The following B3GNT7 variants were observed in gnomAD, a reference collection of about 807,000 sequenced individuals.
B3GNT7 encodes UDP-GlcNAc:betaGal beta-1,3-N-acetylglucosaminyltransferase 7.
B3GNT7 carries 9 observed loss-of-function variants against 5.1 expected under a neutral mutation model. That is an observed-to-expected ratio of 1.77 (90% confidence interval 1.07 to 3.09). B3GNT7 has a LOEUF of 3.09. Ranked by LOEUF, B3GNT7 falls within the 30% of genes most tolerant of loss-of-function variation. The probability of loss-of-function intolerance (pLI) is 0.00; values close to 1 mark genes in which losing one functional copy is unlikely to be tolerated. For synonymous variants in B3GNT7, 253 were observed against 248.6 expected (o/e 1.02, Z -0.17); for missense variants, 468 against 550.8 (o/e 0.85, Z 1.50).
At position 231,397,776 on chromosome 2, in the gene B3GNT7, C is replaced by T. The variant is rs748391272; in HGVS notation, c.57C>T (p.Leu19=). The stretch of plus-strand genomic sequence containing the variant: ...GTCTGTGCCTGGCCCTGGCCCTGCT[C>T]GTGGCCGTGACGGTGTTCCAACGCA... The part of the protein sequence containing the change: ...YRSLCLALAL[L]VAVTVFQRSL... The change falls in exon 2 of 2, where the codon CTC becomes CTT. Residue 19 remains leucine, a synonymous_variant. Transcript: ENST00000287590. 6.2e-6 allele frequency: 10 copies of T among 1,613,738 alleles called. No individual in the cohort carries two copies. The highest frequency in any genetic ancestry group is 8.5e-6 in the Non-Finnish European group (10 of 1,179,874).
At chr2:231,397,151 C>T (rs1575237362) in intron 1 of B3GNT7, 1 of 980,256 alleles carries the variant, frequency 1.0e-6, no homozygotes, top group Non-Finnish European at 1.2e-6. Flanking sequence ...AGGTCCCAAG[C>T]TCGAGCCACT....
Position 231,398,685 on chromosome 2 carries a change from C to T in B3GNT7, c.966C>T (p.Leu322=). ...ACCATGCCTGCGACACCCTGGAGCT[C>T]TACCCGATCGACGACGTCTTTCTGG... is the stretch of plus-strand genomic sequence containing the variant. ...RLHHACDTLE[L]YPIDDVFLGM... is the part of the protein sequence containing the mutation. The change falls in exon 2 of 2, where the codon CTC becomes CTT. Residue 322 remains leucine, a synonymous_variant. Transcript: ENST00000287590. 1 of 1,612,160 alleles carries T rather than the reference C, an allele frequency of 6.2e-7. No homozygotes were observed. The highest frequency in any genetic ancestry group is 1.7e-5 in the Admixed American group (1 of 60,020).
In B3GNT7 at chr2:231,398,200, C is replaced by T. The variant is rs780744252; in HGVS notation, c.481C>T (p.Arg161Trp). 6.3e-6 allele frequency: 10 copies of T among 1,591,618 alleles called. No homozygotes were observed. The highest frequency in any genetic ancestry group is 4.0e-5 in the African/African-American group (3 of 74,374). Residue 161 changes from arginine (R) to tryptophan (W), a missense_variant, in exon 2 of 2, where the codon CGG becomes TGG. Coordinates refer to ENST00000287590, the MANE Select transcript of B3GNT7 (RefSeq NM_145236.3). ...CATCCGCCAGACCTGGGGCCGCGAG[C>T]GGCAGTCCGCGGGTGGGGGCCGAGG... Reference protein sequence around the residue: ...EAIRQTWGRERQSAGGGRGAV... With the variant: ...EAIRQTWGREWQSAGGGRGAV...
At position 231,398,792 on chromosome 2, in the gene B3GNT7, G is replaced by C. The variant is rs1308120689; in HGVS notation, c.1073G>C (p.Ser358Thr). The change falls in exon 2 of 2, where the codon AGC becomes ACC. Residue 358 changes from serine (S) to threonine (T), a missense_variant. Coordinates refer to ENST00000287590, the MANE Select transcript of B3GNT7 (RefSeq NM_145236.3). Reference protein sequence around the residue: ...KTFGISRNRNSRMNKEPCFFR... With the variant: ...KTFGISRNRNTRMNKEPCFFR... ...TTCGGCATCTCCCGGAACCGCAACA[G>C]CCGCATGAACAAGGAGCCGTGCTTT... 6.2e-7 allele frequency: 1 copy of C among 1,606,736 alleles called. No individual in the cohort carries two copies. Among genetic ancestry groups the C allele is most frequent in the Admixed American group, 1.7e-5 (1 of 60,010 alleles).
At chr2:231,396,154 C>A (rs1384074706) in intron 1 of B3GNT7, among the ~76,000 whole-genome samples, 1 of 152,100 alleles carries the variant, frequency 6.6e-6, no homozygotes, top group African/African-American at 2.4e-5. Context: ...CCTTCCAGAC[C>A]CCTGAGGGCC....
rs2046546499 is a variant in B3GNT7, at chr2:231,399,585, TCCCTGGGGC to T, written c.*661_*669del. The T allele has an allele frequency of 6.6e-6, 1 of 152,010 alleles. No individual in the cohort carries two copies. The highest frequency in any genetic ancestry group is 1.5e-5 in the Non-Finnish European group (1 of 68,154). The allele number at this position is 152,010 out of a possible 1,614,324, so 9.4% of individuals were successfully genotyped here. ...GACTACCTCAGCGCCCCTCAGAATC[TCCCTGGGGC>T]TGCAGCCCTACCCCACCCCGACACA... On this transcript the variant is annotated 3_prime_UTR_variant, in exon 2 of 2. Transcript: ENST00000287590.
At position 231,398,037 on chromosome 2, in the gene B3GNT7, G is replaced by A. The variant is rs377346766; in HGVS notation, c.318G>A (p.Pro106=). The A allele has an allele frequency of 1.4e-5, 22 of 1,609,506 alleles. No individual in the cohort carries two copies. The highest frequency in any genetic ancestry group is 2.2e-5 in the South Asian group (2 of 91,092). The change falls in exon 2 of 2, where the codon CCG becomes CCA. Residue 106 remains proline, a synonymous_variant. Transcript: ENST00000287590. ...AGCCCTGGTTCCAGGTCCTGGAGCC[G>A]CAGTTCCGGCAGTTTCTCTTCTACC... ...THQPWFQVLE[P]QFRQFLFYRH...
chr2:231,398,430 C>T lies in B3GNT7; in HGVS notation c.711C>T (p.Phe237=). 1 of 1,613,760 alleles carries T rather than the reference C, an allele frequency of 6.2e-7. No individual in the cohort carries two copies. The highest frequency in any genetic ancestry group is 1.6e-4 in the Middle Eastern group (1 of 6,062). ...ACTGCCCCCACGTCCCCTTCATTTT[C>T]AAAGGCGACGATGACGTCTTCGTCA... is the stretch of plus-strand genomic sequence containing the variant. ...DIYCPHVPFI[F]KGDDDVFVNP... Residue 237 remains phenylalanine, a synonymous_variant, in exon 2 of 2, where the codon TTC becomes TTT. Transcript: ENST00000287590.
At chr2:231,397,182 G>A (rs758492741) in intron 1 of B3GNT7, 8 of 985,580 alleles carry the variant, frequency 8.1e-6, no homozygotes, top group Non-Finnish European at 9.6e-6. Context: ...CCCCACATGT[G>A]ATGGAGCTCC....
chr2:231,396,902 T>G (rs2046520441), intron 1 of B3GNT7, among the ~76,000 whole-genome samples: 1 of 147,036 alleles, frequency 6.8e-6, no homozygotes. Flanking sequence ...GGTGGGGGGG[T>G]CTCTGGGCAA....
Position 231,395,975 on chromosome 2 carries a change from C to CGCGGCG in B3GNT7, c.11+172_11+177dup, listed in dbSNP as rs982888461. Among the ~76,000 whole-genome samples the CGCGGCG allele has an allele frequency of 6.6e-6, 1 of 151,108 alleles. No individual in the cohort carries two copies. The highest frequency in any genetic ancestry group is 1.9e-4 in the East Asian group (1 of 5,146). On this transcript the variant is annotated intron_variant, in intron 1 of 1. Transcript: ENST00000287590. The surrounding 1 kb of genome is among the most constrained non-coding windows in gnomAD (Gnocchi z 7.3). The stretch of plus-strand genomic sequence containing the variant: ...TCCCGGGGGCGGATGGGCGGGCGGG[C>CGCGGCG]GCGGCGGCGGCGGCGGGAGATGTTC...
At position 231,397,915 on chromosome 2, in the gene B3GNT7, A is replaced by G; in HGVS notation, c.196A>G (p.Lys66Glu). 7 of 1,613,696 alleles carry G rather than the reference A, an allele frequency of 4.3e-6. No homozygotes were observed. The highest frequency in any genetic ancestry group is 1.1e-5 in the South Asian group (1 of 91,084). Residue 66 changes from lysine (K) to glutamate (E), a missense_variant, in exon 2 of 2, where the codon AAA becomes GAA. By Grantham distance (56) the Lys-to-Glu change is moderately conservative. Coordinates refer to ENST00000287590, the MANE Select transcript of B3GNT7 (RefSeq NM_145236.3). ...CCCCAACAACTTCTGGAAGAACCCG[A>G]AAGATGTGGCTGCGCCCACGCCCAT... The part of the protein sequence containing the change: ...VNPNNFWKNP[K>E]DVAAPTPMAS...
intron 1 of B3GNT7, among the ~76,000 whole-genome samples, chr2:231,396,894 T>TGGGGGGG (rs374348190): frequency 8.4e-6 from 1 of 118,430 alleles, no homozygotes. Context: ...GGGGTTGGGG[T>TGGGGGGG]GGGGGGGTCT....
chr2:231,396,940 A>C (rs2125612858), intron 1 of B3GNT7, among the ~76,000 whole-genome samples: 1 of 152,304 alleles, frequency 6.6e-6, no homozygotes, highest in East Asian at 1.9e-4. Context: ...CTGGAGCTGC[A>C]AATGTGCCCC....
Position 231,398,770 on chromosome 2 carries a change from G to C in B3GNT7, c.1051G>C (p.Gly351Arg). ...GGCCCACGAGGGCTTCAAGACTTTC[G>C]GCATCTCCCGGAACCGCAACAGCCG... ...PTAHEGFKTF[G>R]ISRNRNSRMN... The change falls in exon 2 of 2, where the codon GGC (glycine) becomes CGC (arginine). Residue 351 changes from glycine (G) to arginine (R), a missense_variant. By Grantham distance (125) the Gly-to-Arg change is moderately radical. Transcript: ENST00000287590. 6.2e-7 allele frequency: 1 copy of C among 1,608,362 alleles called. No individual in the cohort carries two copies. The highest frequency in any genetic ancestry group is 1.1e-5 in the South Asian group (1 of 91,080).
In B3GNT7 at chr2:231,398,201, G is replaced by T; in HGVS notation, c.482G>T (p.Arg161Leu). ...EAIRQTWGRE[R>L]QSAGGGRGAV... ...ATCCGCCAGACCTGGGGCCGCGAGC[G>T]GCAGTCCGCGGGTGGGGGCCGAGGC... The change falls in exon 2 of 2, where the codon CGG becomes CTG. Residue 161 changes from arginine (R) to leucine (L), a missense_variant. Physicochemically the swap from Arg to Leu is moderately radical, Grantham distance 102 (BLOSUM62 -2). Transcript: ENST00000287590. The T allele has an allele frequency of 6.3e-7, 1 of 1,592,930 alleles. No homozygotes were observed. Among genetic ancestry groups the T allele is most frequent in the Non-Finnish European group, 8.6e-7 (1 of 1,169,310 alleles).
At position 231,397,816 on chromosome 2, in the gene B3GNT7, C is replaced by G. The variant is rs375194946; in HGVS notation, c.97C>G (p.Gln33Glu). The G allele has an allele frequency of 2.3e-5, 37 of 1,613,698 alleles. No homozygotes were observed. In the African/African-American group the frequency reaches 4.9e-4, roughly 22 times the overall value. The change falls in exon 2 of 2, where the codon CAG (glutamine) becomes GAG (glutamate). Residue 33 changes from glutamine to glutamate, a missense_variant. Physicochemically the swap from Gln to Glu is conservative, Grantham distance 29. Coordinates refer to ENST00000287590, the MANE Select transcript of B3GNT7 (RefSeq NM_145236.3). Reference sequence around the variant, plus strand: ...GTTCCAACGCAGTCTCACCCCTGGTCAGTTTCTGCAGGAGCCTCCGCCACC... The same window carrying G: ...GTTCCAACGCAGTCTCACCCCTGGTGAGTTTCTGCAGGAGCCTCCGCCACC... ...TVFQRSLTPG[Q>E]FLQEPPPPTL...
chr2:231,398,485 G>C lies in B3GNT7; in HGVS notation c.766G>C (p.Asp256His), dbSNP rs2046535729. 1 of 1,613,680 alleles carries C rather than the reference G, an allele frequency of 6.2e-7. No individual in the cohort carries two copies. The highest frequency in any genetic ancestry group is 2.2e-5 in the East Asian group (1 of 44,886). The part of the protein sequence containing the change: ...NPTNLLEFLA[D>H]RQPQENLFVG... The stretch of plus-strand genomic sequence containing the variant: ...CACCAACCTGCTAGAATTTCTGGCT[G>C]ACCGGCAGCCACAGGAAAACCTGTT... Residue 256 changes from aspartate to histidine, a missense_variant, in exon 2 of 2, where the codon GAC becomes CAC. Coordinates refer to ENST00000287590, the MANE Select transcript of B3GNT7 (RefSeq NM_145236.3).
At chr2:231,396,601 G>A (rs2046516838) in intron 1 of B3GNT7, among the ~76,000 whole-genome samples, 1 of 152,204 alleles carries the variant, frequency 6.6e-6, no homozygotes, top group Admixed American at 6.5e-5. Flanking sequence ...GGCAACCCAG[G>A]CGTCTCCACG....
Sources: gnomAD v4.1 joint callset for allele counts (sites outside exome capture counted in the v4.1 genomes callset) on GRCh38, gnomAD v4.1.1 for gene constraint, Gnocchi (gnomAD v3.1) non-coding constraint, MANE v1.5 for transcripts, NCBI Gene and HGNC (gene_info 2026-07-23, HGNC 2026-07-21) for gene names.